COLGALT2: variants seen among roughly 807,000 people sequenced by gnomAD.
The protein encoded by COLGALT2 is collagen beta(1-O)galactosyltransferase 2.
In COLGALT2, 49 loss-of-function variants were observed where a neutral mutation model predicts 73.4. That is an observed-to-expected ratio of 0.67 (90% CI 0.53 to 0.85). The LOEUF (loss-of-function observed/expected upper bound fraction) is 0.85. Among genes scored for constraint, COLGALT2 ranks in the 40% least tolerant of loss-of-function variants. The probability of loss-of-function intolerance (pLI) is 0.00; values close to 1 mark genes in which losing one functional copy is unlikely to be tolerated. For missense variants in COLGALT2, 722 were observed against 790.2 expected, an observed-to-expected ratio of 0.91 and a Z score of 1.03; for synonymous variants, 295 against 307.6, an observed-to-expected ratio of 0.96 and a Z score of 0.43.
chr1:184,034,698 A>G (rs1649619081), intron 1 of COLGALT2, among the ~76,000 whole-genome samples: 1 of 152,224 alleles, frequency 6.6e-6, no homozygotes, highest in Admixed American at 6.5e-5. Flanking sequence ...GTCATTTTGA[A>G]GCTTAAACCA....
chr1:184,035,262 C>A (rs1022026634), intron 1 of COLGALT2, among the ~76,000 whole-genome samples: 3 of 152,198 alleles, frequency 2.0e-5, no homozygotes, highest in Admixed American at 1.3e-4. Context: ...TTTTTGAAAT[C>A]ATTTATTCCA....
rs10664802 is a variant in COLGALT2, at chr1:183,938,281, G to GTGAT, written c.*476_*479dup. 0.19 allele frequency: 184,562 copies of GTGAT among 985,916 alleles called. 17,849 individuals carry two copies. The highest frequency in any genetic ancestry group is 0.25 in the Admixed American group (4,194 of 16,672). The allele number at this position is 985,916 out of a possible 1,614,324, so 61.1% of individuals were successfully genotyped here. On this transcript the variant is annotated 3_prime_UTR_variant, in exon 12 of 12. Transcript: ENST00000361927. ...AAAAGCCAAATAAATATGATTTTAAGTGATTCCTGTCCCCCAAAAGTTGCA... is the reference window on the plus strand; with the variant it reads ...AAAAGCCAAATAAATATGATTTTAAGTGATTGATTCCTGTCCCCCAAAAGTTGCA...
chr1:184,026,202 G>C (rs1045779668), intron 1 of COLGALT2, among the ~76,000 whole-genome samples: 9 of 152,218 alleles, frequency 5.9e-5, no homozygotes, highest in Admixed American at 5.9e-4. Context: ...CTTTTGGCTA[G>C]AGGAAACTGT....
intron 8 of COLGALT2, among the ~76,000 whole-genome samples, chr1:183,946,780 C>G (rs771299138): frequency 6.6e-6 from 1 of 152,088 alleles, no homozygotes; most frequent in Non-Finnish European, 1.5e-5. Flanking sequence ...GCCTGTAATC[C>G]CACGACTTTG....
chr1:183,930,394 T>A (rs1261003981), intron 11 of COLGALT2: 6 of 417,638 alleles, frequency 1.4e-5, no homozygotes, highest in East Asian at 7.2e-5. Flanking sequence ...TCTTATTTTT[T>A]AATTTAATTT....
intron 7 of COLGALT2, among the ~76,000 whole-genome samples, chr1:183,952,899 T>A (rs1670438128): frequency 6.6e-6 from 1 of 152,214 alleles, no homozygotes; most frequent in South Asian, 2.1e-4. Flanking sequence ...CTGTGATGGG[T>A]CATGCCTCAT....
intron 8 of COLGALT2, among the ~76,000 whole-genome samples, chr1:183,947,674 C>T (rs1670287347): frequency 6.6e-6 from 1 of 152,032 alleles, no homozygotes; most frequent in Non-Finnish European, 1.5e-5. Context: ...TCCTCCCATC[C>T]ATCTTAAGAA....
Position 183,940,768 on chromosome 1 carries a change from T to A in COLGALT2, c.1417A>T (p.Met473Leu). The A allele has an allele frequency of 6.2e-7, 1 of 1,614,192 alleles. No individual in the cohort carries two copies. The change falls in exon 11 of 12, where the codon ATG (methionine) becomes TTG (leucine). Residue 473 changes from methionine to leucine, a missense_variant. Physicochemically the swap from Met to Leu is conservative, Grantham distance 15 (BLOSUM62 2). Coordinates refer to ENST00000361927, the MANE Select transcript of COLGALT2 (RefSeq NM_015101.4). ...WELIYIGRKR[M>L]QVKEPEKAVP... Reference sequence around the variant, plus strand: ...GCTTTCTCTGGCTCCTTTACTTGCATCCTCTTCCTACCAATATAACTGTAA... The same window carrying A: ...GCTTTCTCTGGCTCCTTTACTTGCAACCTCTTCCTACCAATATAACTGTAA...
At chr1:183,935,062 T>G (rs544256346), downstream of COLGALT2, among the ~76,000 whole-genome samples, 1 of 152,214 alleles carries the variant, frequency 6.6e-6, no homozygotes, top group Non-Finnish European at 1.5e-5. Flanking sequence ...AATCCCACTT[T>G]GGCCCTTTCA....
In COLGALT2 at chr1:183,938,224, T is replaced by C; in HGVS notation, c.*537A>G. 1.0e-6 allele frequency: 1 copy of C among 985,732 alleles called. No homozygotes were observed. The allele number at this position is 985,732 out of a possible 1,614,324, so 61.1% of individuals were successfully genotyped here. On this transcript the variant is annotated 3_prime_UTR_variant, in exon 12 of 12. Coordinates refer to ENST00000361927, the MANE Select transcript of COLGALT2 (RefSeq NM_015101.4). ...TTTTTTTTTTTAAAAAATCTACTTT[T>C]CAATAAGACTTGTGACAGAATCCTT...
intron 1 of COLGALT2, among the ~76,000 whole-genome samples, chr1:183,995,071 C>CT (rs1304233689): frequency 2.6e-5 from 4 of 151,726 alleles, no homozygotes; most frequent in Non-Finnish European, 5.9e-5. Flanking sequence ...AAGAAATCAC[C>CT]TATGAAAAGA....
rs966233224 is a variant in COLGALT2, at chr1:183,963,847, T to G, written c.952+54A>C. ...TGGAAGAGGAGGGAAGTGGCTGGTATGGTCACTGTGGCAATGGAACGAGAG... is the reference window on the plus strand; with the variant it reads ...TGGAAGAGGAGGGAAGTGGCTGGTAGGGTCACTGTGGCAATGGAACGAGAG... On this transcript the variant is annotated intron_variant, in intron 6 of 11. Transcript: ENST00000361927. 2.5e-5 allele frequency: 37 copies of G among 1,476,798 alleles called. No homozygotes were observed. In the East Asian group the frequency reaches 9.0e-4, roughly 36 times the overall value. 91.5% of individuals were successfully genotyped at this position (1,476,798 alleles called of 1,614,324 possible).
exon 12 of COLGALT2, chr1:183,929,909 A>G: frequency 4.1e-6 from 1 of 241,560 alleles, no homozygotes; most frequent in Non-Finnish European, 8.4e-6. Flanking sequence ...GTGTAATGCA[A>G]GCCAGGAAAC....
chr1:183,977,847 A>C (rs61824807), intron 2 of COLGALT2, among the ~76,000 whole-genome samples: 66,759 of 123,336 alleles, frequency 0.54, 21,203 homozygotes, highest in Non-Finnish European at 0.74. Flanking sequence ...AGAAGAGAAG[A>C]GAAGCGAAGA....
Position 183,940,696 on chromosome 1 carries a change from T to A in COLGALT2, c.1489A>T (p.Thr497Ser), listed in dbSNP as rs1418836678. Residue 497 changes from threonine to serine, a missense_variant, in exon 11 of 12, where the codon ACC (threonine) becomes TCC (serine). Transcript: ENST00000361927. ...TCCAGAGAGATGACGTAGCCCAGGG[T>A]CCAGTAGGAATAGTCGGCTTCGACC... ...NLVEADYSYW[T>S]LGYVISLEGA... is the part of the protein sequence containing the mutation. The A allele has an allele frequency of 6.2e-6, 10 of 1,614,056 alleles. No homozygotes were observed. The highest frequency in any genetic ancestry group is 1.3e-5 in the African/African-American group (1 of 74,904).
chr1:183,934,410 C>T (rs1669906332), downstream of COLGALT2, among the ~76,000 whole-genome samples: 1 of 152,186 alleles, frequency 6.6e-6, no homozygotes, highest in Admixed American at 6.5e-5. Context: ...TCCTCTCCTG[C>T]TGGCCTTCCT....
chr1:184,020,799 T>C (rs1391814488), intron 1 of COLGALT2, among the ~76,000 whole-genome samples: 3 of 152,184 alleles, frequency 2.0e-5, no homozygotes, highest in Non-Finnish European at 1.5e-5. Flanking sequence ...GTAACATTTA[T>C]TATGTTCTTA....
intron 6 of COLGALT2, among the ~76,000 whole-genome samples, chr1:183,960,335 C>T (rs1248957594): frequency 6.6e-6 from 1 of 152,138 alleles, no homozygotes; most frequent in Non-Finnish European, 1.5e-5. Context: ...CTCACCATAC[C>T]ACTCTTCTTG....
rs1394991475 is a variant in COLGALT2 at position 183,938,507 on chromosome 1, T to C, written c.*254A>G. On this transcript the variant is annotated 3_prime_UTR_variant, in exon 12 of 12. Transcript: ENST00000361927. ...GTAGTGAACTGAAGAATTAGGTGTC[T>C]GGATTACAGTTTATCTTAACAGTTT... 18 of 1,349,602 alleles carry C rather than the reference T, an allele frequency of 1.3e-5. No homozygotes were observed. The highest frequency in any genetic ancestry group is 1.6e-5 in the Non-Finnish European group (17 of 1,049,566). 83.6% of individuals were successfully genotyped at this position (1,349,602 alleles called of 1,614,324 possible).
Sources: gnomAD v4.1 joint callset for allele counts (sites outside exome capture counted in the v4.1 genomes callset) on GRCh38, gnomAD v4.1.1 for gene constraint, MANE v1.5 for transcripts, NCBI Gene and HGNC (gene_info 2026-07-23, HGNC 2026-07-21) for gene names.